AGBL3: variants seen among roughly 807,000 people sequenced by gnomAD.
AGBL3 encodes the protein cytosolic carboxypeptidase 3.
In AGBL3, 68 loss-of-function variants were observed where a neutral mutation model predicts 94.5. The observed-to-expected ratio is 0.72, with a 90% confidence interval of 0.59 to 0.88. The LOEUF (loss-of-function observed/expected upper bound fraction) is 0.88. Ranked by LOEUF, AGBL3 falls within the 40% of genes least tolerant of loss-of-function variation. The pLI is 0.00. For synonymous variants in AGBL3, 354 were observed against 370.7 expected (o/e 0.95, Z 0.52); for missense variants, 934 against 1,103.8 (o/e 0.85, Z 2.18).
chr7:134,991,418 G>C (rs2718157), intron 3 of AGBL3, among the ~76,000 whole-genome samples: 10,371 of 152,118 alleles, frequency 0.068, 1,141 homozygotes, highest in African/African-American at 0.23. Context: ...TTCTGATTTG[G>C]AGAAGGAATT....
intron 15 of AGBL3, among the ~76,000 whole-genome samples, chr7:135,109,871 C>T (rs560899247): frequency 5.1e-4 from 77 of 152,284 alleles, no homozygotes; most frequent in Non-Finnish European, 8.7e-4. Context: ...AAGACGGTGG[C>T]CCATCCTTTC....
At chr7:135,042,482 C>G (rs1816947263) in intron 8 of AGBL3, among the ~76,000 whole-genome samples, 1 of 152,138 alleles carries the variant, frequency 6.6e-6, no homozygotes, top group Non-Finnish European at 1.5e-5. Flanking sequence ...TCTATAGTGA[C>G]AGAGAGCAAA....
At chr7:135,015,696 C>G (rs1298596619) in intron 4 of AGBL3, among the ~76,000 whole-genome samples, 2 of 151,866 alleles carry the variant, frequency 1.3e-5, no homozygotes, top group Non-Finnish European at 2.9e-5. Context: ...ACTGAGAAGT[C>G]TGGATTTCGT....
chr7:135,103,880 AT>A (rs545154405), intron 15 of AGBL3, among the ~76,000 whole-genome samples: 39 of 150,690 alleles, frequency 2.6e-4, no homozygotes, highest in African/African-American at 5.6e-4. Context: ...CAACTGCTTT[AT>A]TTTTTTTTAA....
At chr7:135,022,381 T>C (rs1814601812) in intron 5 of AGBL3, among the ~76,000 whole-genome samples, 1 of 152,252 alleles carries the variant, frequency 6.6e-6, no homozygotes, top group Non-Finnish European at 1.5e-5. Context: ...AGATGGTATC[T>C]CATTGTGGTT....
chr7:135,110,161 A>G (rs1825408355), intron 15 of AGBL3, among the ~76,000 whole-genome samples: 1 of 151,932 alleles, frequency 6.6e-6, no homozygotes, highest in African/African-American at 2.4e-5. Context: ...TGGAGTTCCA[A>G]GCCAGTCCCT....
chr7:134,998,747 G>A (rs929012724), intron 4 of AGBL3, among the ~76,000 whole-genome samples: 4 of 152,132 alleles, frequency 2.6e-5, no homozygotes, highest in African/African-American at 7.2e-5. Flanking sequence ...TAGCAATTCC[G>A]ACATAAAGGT....
At chr7:135,061,172 G>A (rs1293401392) in intron 12 of AGBL3, among the ~76,000 whole-genome samples, 1 of 151,646 alleles carries the variant, frequency 6.6e-6, no homozygotes, top group Non-Finnish European at 1.5e-5. Flanking sequence ...AAATATACCT[G>A]TTGGCCATTT....
rs975006265 is a variant in AGBL3 at position 135,034,651 on chromosome 7, C to T, written c.1060C>T (p.Arg354Trp). Residue 354 changes from arginine to tryptophan, a missense_variant, in exon 7 of 17, where the codon CGG (arginine) becomes TGG (tryptophan). This residue lies in a region of AGBL3 where 488 missense variants were observed against 563.6 expected (regional missense o/e 0.87). Transcript: ENST00000436302. ...CTTGAAGAACTCTGACTCAAGAAAG[C>T]GGAAGGCTGTGATTCTGACTGCAAG... is the stretch of plus-strand genomic sequence containing the variant. ...TPLKNSDSRK[R>W]KAVILTARVH... is the part of the protein sequence containing the mutation. 39 of 1,551,474 alleles carry T rather than the reference C, an allele frequency of 2.5e-5. No individual in the cohort carries two copies. Among genetic ancestry groups the T allele is most frequent in the Middle Eastern group, 1.7e-4 (1 of 6,016 alleles).
At chr7:135,048,653 T>A (rs962806579) in intron 11 of AGBL3, among the ~76,000 whole-genome samples, 1 of 151,880 alleles carries the variant, frequency 6.6e-6, no homozygotes, top group African/African-American at 2.4e-5. Flanking sequence ...ATATCACCTT[T>A]TCAGGTAGTT....
intron 4 of AGBL3, among the ~76,000 whole-genome samples, chr7:134,994,845 G>T (rs971378431): frequency 2.0e-5 from 3 of 152,170 alleles, no homozygotes; most frequent in African/African-American, 7.2e-5. Flanking sequence ...ATGCTTAATA[G>T]TACTAAACAG....
chr7:134,993,502 T>C lies in AGBL3; in HGVS notation c.134T>C (p.Phe45Ser). 5.2e-6 allele frequency: 8 copies of C among 1,545,890 alleles called. No individual in the cohort carries two copies. The highest frequency in any genetic ancestry group is 7.0e-6 in the Non-Finnish European group (8 of 1,144,572). ...TGAATCTTTTTCTCAGCTGACTCTT[T>C]TGGTGATCCCTTCTTCCCCCGGACT... ...HRCALLTADS[F>S]GDPFFPRTTQ... The change falls in exon 4 of 17, where the codon TTT becomes TCT. Residue 45 changes from phenylalanine to serine, a missense_variant. By Grantham distance (155) the Phe-to-Ser change is radical (BLOSUM62 -2). Coordinates refer to ENST00000436302, the MANE Select transcript of AGBL3 (RefSeq NM_178563.4).
At chr7:135,051,577 T>G (rs1366625842) in intron 11 of AGBL3, among the ~76,000 whole-genome samples, 1 of 152,092 alleles carries the variant, frequency 6.6e-6, no homozygotes, top group African/African-American at 2.4e-5. Context: ...GCCTAGATGA[T>G]AGTTATTATT....
At chr7:135,033,600 T>C (rs1437794377) in intron 6 of AGBL3, among the ~76,000 whole-genome samples, 1 of 152,202 alleles carries the variant, frequency 6.6e-6, no homozygotes, top group African/African-American at 2.4e-5. Context: ...ATTATTATTT[T>C]TGCCTTTATT....
intron 15 of AGBL3, among the ~76,000 whole-genome samples, chr7:135,098,451 T>A (rs926343340): frequency 1.2e-4 from 19 of 152,330 alleles, no homozygotes; most frequent in Non-Finnish European, 2.5e-4. Flanking sequence ...TCTGCACGTG[T>A]TTGGTACAGA....
At chr7:135,027,356 T>C (rs550293525) in intron 5 of AGBL3, among the ~76,000 whole-genome samples, 109 of 151,842 alleles carry the variant, frequency 7.2e-4, no homozygotes, top group Non-Finnish European at 1.2e-3. Flanking sequence ...ATGGTCTATT[T>C]GAAATTAATA....
chr7:135,111,620 C>T (rs1336026804), intron 15 of AGBL3, among the ~76,000 whole-genome samples: 2 of 151,812 alleles, frequency 1.3e-5, no homozygotes, highest in South Asian at 2.1e-4. Flanking sequence ...TGTGAAATAG[C>T]TCAATGAATA....
chr7:135,102,070 A>T (rs1823920568), intron 15 of AGBL3, among the ~76,000 whole-genome samples: 2 of 152,214 alleles, frequency 1.3e-5, no homozygotes, highest in Non-Finnish European at 1.5e-5. Flanking sequence ...TGATTCCATT[A>T]AACCTCTTTT....
At chr7:135,039,778 T>C (rs2881817) in intron 8 of AGBL3, among the ~76,000 whole-genome samples, 145,089 of 151,808 alleles carry the variant, frequency 0.96, 69,644 homozygotes, top group East Asian at 1. Flanking sequence ...ATCTAAGTTT[T>C]CACATTAAGA....
Sources: allele counts gnomAD v4.1 joint callset (sites outside exome capture counted in the v4.1 genomes callset), GRCh38; gene constraint gnomAD v4.1.1; regional missense constraint gnomAD v4.1.1; transcripts MANE v1.5; gene names NCBI Gene and HGNC (gene_info 2026-07-23, HGNC 2026-07-21).